The following PRSS57 variants were observed in gnomAD, a reference collection of about 807,000 sequenced individuals.
PRSS57 encodes neutrophil serine protease 4.
PRSS57 carries 19 observed loss-of-function variants against 20.6 expected under a neutral mutation model. That is an observed-to-expected ratio of 0.92 (90% CI 0.64 to 1.35). The LOEUF (loss-of-function observed/expected upper bound fraction) is 1.35. Among genes scored for constraint, PRSS57 ranks in the 40% most tolerant of loss-of-function variants. The pLI is 0.00. For synonymous variants in PRSS57, 203 were observed against 176.6 expected (o/e 1.15, Z -1.19); for missense variants, 440 against 403.7 (o/e 1.09, Z -0.77).
rs71174316 is a variant in PRSS57 at position 693,230 on chromosome 19, CT to C, written c.234-1229del. On this transcript the variant is annotated intron_variant, in intron 2 of 4. Coordinates refer to ENST00000329267, the MANE Select transcript of PRSS57 (RefSeq NM_001308209.2). Reference sequence around the variant, plus strand: ...ACAGGCGTGAGCCACCGCACCCGGCCTTTTTTTTTTTTTTTTTTTTGAGACA... The same window carrying C: ...ACAGGCGTGAGCCACCGCACCCGGCCTTTTTTTTTTTTTTTTTTTGAGACA... Among the ~76,000 whole-genome samples, 89 of 131,682 alleles carry C rather than the reference CT, an allele frequency of 6.8e-4. No homozygotes were observed. In the South Asian group the frequency reaches 0.012, roughly 18 times the overall value. The allele number at this position is 131,682 out of a possible 152,430, so 86.4% of individuals were successfully genotyped here.
intron 2 of PRSS57, among the ~76,000 whole-genome samples, chr19:693,906 A>T (rs28417625): frequency 0.02 from 2,969 of 152,060 alleles, 72 homozygotes; most frequent in African/African-American, 0.053. Flanking sequence ...CATCCGGCTA[A>T]TTTTTTTGTA....
intron 2 of PRSS57, among the ~76,000 whole-genome samples, chr19:694,542 T>C (rs891056512): frequency 9.2e-5 from 13 of 141,710 alleles, no homozygotes; most frequent in African/African-American, 3.4e-4. Flanking sequence ...CACTCCAGCC[T>C]GGGGAACCGA....
chr19:694,925 G>A lies in PRSS57; in HGVS notation c.122C>T (p.Pro41Leu). 1.3e-6 allele frequency: 2 copies of A among 1,588,322 alleles called. No homozygotes were observed. The highest frequency in any genetic ancestry group is 1.1e-5 in the South Asian group (1 of 88,170). ...GGATGCCATGTAGGGCCTGGAGTGG[G>A]GGGTCACCTCGTGGCCCCCGATGAT... ...AQIIGGHEVT[P>L]HSRPYMASVR... is the part of the protein sequence containing the mutation. Residue 41 changes from proline to leucine, a missense_variant, in exon 2 of 5, where the codon CCC becomes CTC. Pro to Leu is a moderately conservative substitution (Grantham distance 98). Transcript: ENST00000329267.
intron 2 of PRSS57, 152 bp downstream of exon 2, chr19:694,662 C>T: frequency 1.2e-6 from 1 of 829,738 alleles, no homozygotes; most frequent in Non-Finnish European, 1.8e-6. Context: ...CCTTATCCTC[C>T]TGTTTTCCCT....
chr19:694,551 G>A (rs1304096315), intron 2 of PRSS57, among the ~76,000 whole-genome samples: 9 of 123,638 alleles, frequency 7.3e-5, no homozygotes, highest in African/African-American at 1.9e-4. Flanking sequence ...CTGGGGAACC[G>A]AGACTGCCTC....
chr19:692,488 C>T (rs1176236342), intron 2 of PRSS57, among the ~76,000 whole-genome samples: 1 of 141,922 alleles, frequency 7.0e-6, no homozygotes, highest in East Asian at 2.1e-4. Context: ...GCAATCGAGG[C>T]TTACTGCAAC....
intron 3 of PRSS57, among the ~76,000 whole-genome samples, chr19:688,568 A>G (rs1007252787): frequency 7.1e-6 from 1 of 141,800 alleles, no homozygotes; most frequent in African/African-American, 2.7e-5. Context: ...GTGTGGGAGG[A>G]GCAGCTTCCC....
intron 3 of PRSS57, among the ~76,000 whole-genome samples, chr19:687,390 A>G (rs954492648): frequency 5.3e-5 from 8 of 152,040 alleles, no homozygotes; most frequent in Admixed American, 3.9e-4. Context: ...CAGCTGCCCA[A>G]AGGGTCTTTC....
chr19:686,978 G>C lies in PRSS57; in HGVS notation c.589C>G (p.Leu197Val). 1 of 1,614,148 alleles carries C rather than the reference G, an allele frequency of 6.2e-7. No homozygotes were observed. Reference sequence around the variant, plus strand: ...CCACTGCGGGTGCAGAGCATGGTAAGTGTCAGGTGGCCCTTCCAGGAGCTG... The same window carrying C: ...CCACTGCGGGTGCAGAGCATGGTAACTGTCAGGTGGCCCTTCCAGGAGCTG... The part of the protein sequence containing the change: ...CNSSWKGHLT[L>V]TMLCTRSGDS... The change falls in exon 4 of 5, where the codon CTT becomes GTT. Residue 197 changes from leucine (L) to valine (V), a missense_variant. By Grantham distance (32) the Leu-to-Val change is conservative. Transcript: ENST00000329267.
chr19:689,178 ACGACGGGGC>A (rs1278646183), intron 3 of PRSS57, among the ~76,000 whole-genome samples: 1 of 114,090 alleles, frequency 8.8e-6, no homozygotes. Flanking sequence ...TTAGCAGGTG[ACGACGGGGC>A]TGGAAGGGTG....
intron 3 of PRSS57, among the ~76,000 whole-genome samples, chr19:689,222 G>GGGGCCAGAA (rs112475525): frequency 3.6e-4 from 28 of 77,172 alleles, no homozygotes; most frequent in African/African-American, 1.8e-3. Flanking sequence ...AGGTGACGAC[G>GGGGCCAGAA]GGGTGGTCCA....
intron 3 of PRSS57, chr19:690,676 G>T: frequency 3.4e-6 from 1 of 290,136 alleles, no homozygotes; most frequent in Non-Finnish European, 6.8e-6. Context: ...AGCGCACCAG[G>T]TTCGAGGCGT....
At chr19:685,948 A>C in intron 4 of PRSS57, 26 bp from the exon 5 acceptor site, 1 of 1,514,508 alleles carries the variant, frequency 6.6e-7, no homozygotes, top group South Asian at 1.2e-5. Context: ...AGGTGAGGTC[A>C]GGGCCTCTGG....
rs531497524 is a variant in PRSS57, at chr19:686,917, G to A, written c.642+8C>T. The A allele has an allele frequency of 6.2e-7, 1 of 1,611,564 alleles. No individual in the cohort carries two copies. The highest frequency in any genetic ancestry group is 2.2e-5 in the East Asian group (1 of 44,864). On this transcript the variant is annotated splice_region_variant and intron_variant, in intron 4 of 4. Coordinates refer to ENST00000329267, the MANE Select transcript of PRSS57 (RefSeq NM_001308209.2). ...CAGTAAGTGGGTGGAGCAGGGAGGG[G>A]ATCTTACCGAGCAGAAGCCCCGTCT...
At chr19:687,311 G>A in intron 3 of PRSS57, 123 bp from the exon 4 acceptor site, 1 of 1,196,914 alleles carries the variant, frequency 8.4e-7, no homozygotes, top group Non-Finnish European at 1.1e-6. Flanking sequence ...CCACCATGAG[G>A]CCGGGTCAGG....
intron 2 of PRSS57, among the ~76,000 whole-genome samples, chr19:692,430 T>TTTTCTTTC (rs1402754118): frequency 3.4e-5 from 5 of 147,632 alleles, no homozygotes; most frequent in Non-Finnish European, 7.5e-5. Flanking sequence ...CTTTTTTCTT[T>TTTTCTTTC]TTTTTTTTTT....
chr19:693,032 A>C (rs1486857616), intron 2 of PRSS57, among the ~76,000 whole-genome samples: 1 of 150,434 alleles, frequency 6.6e-6, no homozygotes. Flanking sequence ...GGTTCACGCC[A>C]TTCTCCTGCC....
At chr19:694,763 T>C in intron 2 of PRSS57, 51 bp downstream of exon 2, 4 of 1,535,226 alleles carry the variant, frequency 2.6e-6, no homozygotes, top group Non-Finnish European at 1.8e-6. Context: ...GGAGTCCCCC[T>C]CATGTCGGGA....
rs918048818 is a variant in PRSS57, at chr19:695,328, T to C, written c.79+24A>G. The C allele has an allele frequency of 3.8e-5, 45 of 1,193,754 alleles. No homozygotes were observed. The African/African-American group carries it at 6.7e-4, about 18-fold the overall frequency. 73.9% of individuals were successfully genotyped at this position (1,193,754 alleles called of 1,614,324 possible). A position where few individuals can be genotyped will look rare whatever the true frequency, so the allele number is the denominator to read the frequency against. ...TACGGGGACTTGGCGGGGGCCTGGG[T>C]GGGGATCCCGGGGGGCTCCTCACCG... is the stretch of plus-strand genomic sequence containing the variant. On this transcript the variant is annotated intron_variant, in intron 1 of 4. Coordinates refer to ENST00000329267, the MANE Select transcript of PRSS57 (RefSeq NM_001308209.2).
Sources: gnomAD v4.1 joint callset for allele counts (sites outside exome capture counted in the v4.1 genomes callset) on GRCh38, gnomAD v4.1.1 for gene constraint, MANE v1.5 for transcripts, NCBI Gene and HGNC (gene_info 2026-07-23, HGNC 2026-07-21) for gene names.